The following TEX10 variants were observed in gnomAD, a reference collection of about 807,000 sequenced individuals.
The protein encoded by TEX10 is testis expressed 10.
Under a neutral mutation model 104.4 loss-of-function variants are expected in TEX10, and 24 were observed. That is an observed-to-expected ratio of 0.23 (90% CI 0.17 to 0.32). The LOEUF (loss-of-function observed/expected upper bound fraction) is 0.32. Among genes scored for constraint, TEX10 ranks in the 10% least tolerant of loss-of-function variants. The pLI, the probability that TEX10 is intolerant of heterozygous loss-of-function variation, is 1.00. For missense variants in TEX10, 921 were observed against 1,083.9 expected, an observed-to-expected ratio of 0.85 and a Z score of 2.11; for synonymous variants, 396 against 393.4, an observed-to-expected ratio of 1.01 and a Z score of -0.08.
rs555442712 is a variant in TEX10 at position 100,328,235 on chromosome 9, G to A, written c.1626-273C>T. 2.7e-4 allele frequency among the ~76,000 whole-genome samples: 41 copies of A among 152,078 alleles called. No homozygotes were observed. The East Asian group carries it at 6.6e-3, about 24-fold the overall frequency. ...AGACACTTAACTATTTATCCTAATC[G>A]GTGTTATTATACTATATTAACAAAT... is the stretch of plus-strand genomic sequence containing the variant. On this transcript the variant is annotated intron_variant, in intron 7 of 14. Coordinates refer to ENST00000374902, the MANE Select transcript of TEX10 (RefSeq NM_017746.4).
At chr9:100,304,535 T>G (rs930536399) in intron 13 of TEX10, 3 of 152,198 alleles carry the variant, frequency 2.0e-5, no homozygotes, top group African/African-American at 4.8e-5. Context: ...TGTAGAAGAA[T>G]AAAAATGGAT....
chr9:100,322,488 A>G lies in TEX10; in HGVS notation c.1980-717T>C, dbSNP rs566701302. Among the ~76,000 whole-genome samples the G allele has an allele frequency of 2.0e-5, 3 of 152,372 alleles. No individual in the cohort carries two copies. The East Asian group carries it at 5.8e-4, about 29-fold the overall frequency. ...TTGCAAAAAGGCTGAGAATAATCAGACAAACTTATACTAAAAATTTTTATC... is the reference window on the plus strand; with the variant it reads ...TTGCAAAAAGGCTGAGAATAATCAGGCAAACTTATACTAAAAATTTTTATC... On this transcript the variant is annotated intron_variant, in intron 9 of 14. Coordinates refer to ENST00000374902, the MANE Select transcript of TEX10 (RefSeq NM_017746.4).
chr9:100,314,383 G>A (rs1303324244), intron 11 of TEX10, among the ~76,000 whole-genome samples: 1 of 152,100 alleles, frequency 6.6e-6, no homozygotes, highest in East Asian at 1.9e-4. Flanking sequence ...ACTGCGCCCG[G>A]CCTGGAGATT....
intron 5 of TEX10, among the ~76,000 whole-genome samples, chr9:100,339,309 ATT>A (rs1835106880): frequency 7.4e-6 from 1 of 134,778 alleles, no homozygotes; most frequent in Non-Finnish European, 1.5e-5. Context: ...ATATACACAT[ATT>A]TGTTTTTTAT....
intron 13 of TEX10, chr9:100,306,301 T>C (rs1834143282): frequency 6.6e-6 from 1 of 152,100 alleles, no homozygotes; most frequent in African/African-American, 2.4e-5. Flanking sequence ...GAAAAAAAAC[T>C]GAATCTTCAC....
intron 13 of TEX10, chr9:100,305,045 C>T (rs549543194): frequency 6.6e-6 from 1 of 152,166 alleles, no homozygotes; most frequent in Non-Finnish European, 1.5e-5. Flanking sequence ...ATCATTCTCT[C>T]GGTATCTTTA....
chr9:100,324,118 C>T (rs1015383904), intron 9 of TEX10, among the ~76,000 whole-genome samples: 2 of 152,046 alleles, frequency 1.3e-5, no homozygotes, highest in South Asian at 2.1e-4. Flanking sequence ...CTACAACCTC[C>T]GCCTCCTGGG....
In TEX10 at chr9:100,330,032, A is replaced by T; in HGVS notation, c.1388T>A (p.Phe463Tyr). Residue 463 changes from phenylalanine to tyrosine, a missense_variant, in exon 6 of 15, where the codon TTT becomes TAT. Phe to Tyr is a conservative substitution (Grantham distance 22). Around this residue, in one of 3 missense-constraint regions of TEX10, gnomAD observed 753 missense variants for 868.4 expected, o/e 0.87. Transcript: ENST00000374902. ...DCSWIEMIRK[F>Y]VTETLEDGSR... ...GCCATCTTCAAGGGTCTCTGTTACA[A>T]ATTTCCTTATCATTTCTATCCAACT... 2.5e-6 allele frequency: 4 copies of T among 1,614,120 alleles called. No individual in the cohort carries two copies. The highest frequency in any genetic ancestry group is 2.7e-5 in the African/African-American group (2 of 75,040).
intron 5 of TEX10, among the ~76,000 whole-genome samples, chr9:100,334,429 G>A (rs1446416216): frequency 1.3e-5 from 2 of 152,080 alleles, no homozygotes; most frequent in Non-Finnish European, 2.9e-5. Flanking sequence ...AGAAATGCGA[G>A]AGAAATACAT....
chr9:100,327,291 T>C (rs765510620), intron 8 of TEX10, among the ~76,000 whole-genome samples: 13 of 152,068 alleles, frequency 8.5e-5, no homozygotes, highest in Non-Finnish European at 1.5e-4. Flanking sequence ...TTTTTAAAAT[T>C]CATTGAACTG....
intron 1 of TEX10, chr9:100,352,482 G>A (rs1835480537): frequency 6.4e-7 from 1 of 1,551,316 alleles, no homozygotes; most frequent in East Asian, 2.4e-5. Flanking sequence ...CCAGAGTCGG[G>A]GAAGTGGGGC....
At chr9:100,314,476 G>GT (rs1834363583) in intron 11 of TEX10, among the ~76,000 whole-genome samples, 1 of 152,094 alleles carries the variant, frequency 6.6e-6, no homozygotes. Context: ...TTGGGGAGTT[G>GT]TATGTTTCCA....
intron 5 of TEX10, 140 bp from the exon 6 acceptor site, chr9:100,330,309 G>A: frequency 2.9e-6 from 2 of 694,162 alleles, no homozygotes; most frequent in Non-Finnish European, 5.0e-6. Flanking sequence ...TAGGTGCATA[G>A]GCAAGACTTA....
chr9:100,329,879 T>A (rs781584104), intron 6 of TEX10, 52 bp downstream of exon 6: 5 of 1,428,248 alleles, frequency 3.5e-6, no homozygotes, highest in Non-Finnish European at 4.8e-6. Flanking sequence ...GACCTTAAGA[T>A]AGCACATGTA....
Position 100,320,434 on chromosome 9 carries a change from A to C in TEX10, c.2069-36T>G, listed in dbSNP as rs1305973346. 3 of 1,545,986 alleles carry C rather than the reference A, an allele frequency of 1.9e-6. No individual in the cohort carries two copies. The South Asian group carries it at 3.7e-5, about 19-fold the overall frequency. On this transcript the variant is annotated intron_variant, in intron 10 of 14. Coordinates refer to ENST00000374902, the MANE Select transcript of TEX10 (RefSeq NM_017746.4). ...TAACAAAGAAAGCCAATTTAAAAAA[A>C]CAAAAAACAAAAAACAATGACTTTC...
At chr9:100,349,044 T>TA in intron 2 of TEX10, 140 bp downstream of exon 2, 1 of 598,392 alleles carries the variant, frequency 1.7e-6, no homozygotes, top group Non-Finnish European at 2.5e-6. Flanking sequence ...GGGTAAAAGA[T>TA]AAACTCCAAA....
At chr9:100,330,613 A>T (rs974590314) in intron 5 of TEX10, among the ~76,000 whole-genome samples, 2 of 152,252 alleles carry the variant, frequency 1.3e-5, no homozygotes, top group Non-Finnish European at 2.9e-5. Flanking sequence ...CACATGTGAA[A>T]TAAGGAGACA....
intron 11 of TEX10, among the ~76,000 whole-genome samples, chr9:100,315,550 TGTTTTTG>T (rs1235595033): frequency 6.6e-6 from 1 of 152,238 alleles, no homozygotes; most frequent in African/African-American, 2.4e-5. Flanking sequence ...TTTTTAAACC[TGTTTTTG>T]ATTTGAAGTC....
chr9:100,317,551 A>C (rs957819467), intron 11 of TEX10, among the ~76,000 whole-genome samples: 6 of 152,186 alleles, frequency 3.9e-5, no homozygotes, highest in Admixed American at 6.5e-5. Context: ...ATCTACAGAA[A>C]ACTCTTCTGG....
Sources: allele counts gnomAD v4.1 joint callset (sites outside exome capture counted in the v4.1 genomes callset), GRCh38; gene constraint gnomAD v4.1.1; regional missense constraint gnomAD v4.1.1; transcripts MANE v1.5; gene names NCBI Gene and HGNC (gene_info 2026-07-23, HGNC 2026-07-21).